Variants in PPL observed in about 807,000 individuals in gnomAD.
PPL encodes the protein periplakin.
A neutral mutation model predicts 194.4 loss-of-function variants in PPL; 198 were observed. The ratio of observed to expected loss-of-function variants is 1.02; its 90% CI spans 0.91 to 1.15. The LOEUF (loss-of-function observed/expected upper bound fraction) is 1.15. Ranked by LOEUF, PPL falls within the 50% of genes most tolerant of loss-of-function variation. The pLI is 0.00. For synonymous variants in PPL, 1,220 were observed against 972.4 expected (o/e 1.25, Z -4.74); for missense variants, 2,885 against 2,294.8 (o/e 1.26, Z -5.25).
chr16:4,889,066 AAGAC>A lies in PPL; in HGVS notation c.2314-9_2314-6del, dbSNP rs758382131. 90 of 1,613,002 alleles carry A rather than the reference AAGAC, an allele frequency of 5.6e-5. No individual in the cohort carries two copies. The highest frequency in any genetic ancestry group is 6.7e-5 in the Admixed American group (4 of 59,978). ...TGCTATCTCATCTAGCAGGTTCTGTAAGACAGAGTTTAAAAATCAAAACTAACCA... is the reference window on the plus strand; with the variant it reads ...TGCTATCTCATCTAGCAGGTTCTGTAAGAGTTTAAAAATCAAAACTAACCA... On this transcript the variant is annotated splice_region_variant and splice_polypyrimidine_tract_variant and intron_variant, in intron 18 of 21. Transcript: ENST00000345988.
At chr16:4,905,785 G>C (rs546650096) in intron 2 of PPL, among the ~76,000 whole-genome samples, 1 of 152,288 alleles carries the variant, frequency 6.6e-6, no homozygotes, top group South Asian at 2.1e-4. Flanking sequence ...CTCCCCAGGG[G>C]GTTGGAGATG....
chr16:4,918,321 A>G (rs1298212803), intron 1 of PPL, among the ~76,000 whole-genome samples: 2 of 149,362 alleles, frequency 1.3e-5, no homozygotes, highest in Admixed American at 1.3e-4. Context: ...AGTGCCATTT[A>G]GAAATGACAG....
chr16:4,893,573 C>T lies in PPL; in HGVS notation c.1460G>A (p.Arg487Gln), dbSNP rs763125042. 10 of 1,612,168 alleles carry T rather than the reference C, an allele frequency of 6.2e-6. No individual in the cohort carries two copies. Among genetic ancestry groups the T allele is most frequent in the Non-Finnish European group, 8.5e-6 (10 of 1,179,778 alleles). The change falls in exon 13 of 22, where the codon CGG (arginine) becomes CAG (glutamine). Residue 487 changes from arginine (R) to glutamine (Q), a missense_variant. Transcript: ENST00000345988. ...ATTCTCGGTCTTCAGCACCTCATAC[C>T]GCTGCTGCAGCGTGCGTTTGCTCCC... ...AAGSKRTLQQ[R>Q]YEVLKTENPG...
At chr16:4,920,437 C>T (rs1030209607) in intron 1 of PPL, among the ~76,000 whole-genome samples, 46 of 151,870 alleles carry the variant, frequency 3.0e-4, no homozygotes, top group Admixed American at 1.4e-3. Context: ...TTCAGAGCAG[C>T]GTCCCTGAAA....
rs149084017 is a variant in PPL, at chr16:4,884,402, C to T, written c.4253G>A (p.Arg1418His). 6.4e-4 allele frequency: 1,026 copies of T among 1,608,368 alleles called. 8 individuals are homozygous for T. The highest frequency in any genetic ancestry group is 7.8e-4 in the Admixed American group (46 of 58,698). The change falls in exon 22 of 22, where the codon CGC becomes CAC. Residue 1418 changes from arginine to histidine, a missense_variant. Coordinates refer to ENST00000345988, the MANE Select transcript of PPL (RefSeq NM_002705.5). This position sits in a 1 kb window ranked among gnomAD's most constrained non-coding sequence, Gnocchi z 5.7. Reference sequence around the variant, plus strand: ...CCGCTGCTGCAACCGCTGTACCTCGCGCTCGGCCTCCCTGCGGGCCTGCCG... The same window carrying T: ...CCGCTGCTGCAACCGCTGTACCTCGTGCTCGGCCTCCCTGCGGGCCTGCCG... ...RERQARREAE[R>H]EVQRLQQRLA...
rs796523499 is a variant in PPL, at chr16:4,897,568, G to T, written c.972+107C>A. The T allele has an allele frequency of 4.0e-5, 33 of 829,062 alleles. No individual in the cohort carries two copies. In the African/African-American group the frequency reaches 5.2e-4, roughly 13 times the overall value. 51.4% of individuals were successfully genotyped at this position (829,062 alleles called of 1,614,324 possible). A position where few individuals can be genotyped will look rare whatever the true frequency, so the allele number is the denominator to read the frequency against. On this transcript the variant is annotated intron_variant, in intron 9 of 21. Coordinates refer to ENST00000345988, the MANE Select transcript of PPL (RefSeq NM_002705.5). The stretch of plus-strand genomic sequence containing the variant: ...GGGCCTGGGATGGCTGCCCCGCAAG[G>T]CTCCTGGACCAAGGAGCACGAGGCC...
At position 4,901,390 on chromosome 16, in the gene PPL, G is replaced by C. The variant is rs377736556; in HGVS notation, c.439-301C>G. ...CAGTCACCTGCCCAGGGTCACGCCA[G>C]TAACATTGGGAAAGCTGGCCAGGCA... On this transcript the variant is annotated intron_variant, in intron 4 of 21. Coordinates refer to ENST00000345988, the MANE Select transcript of PPL (RefSeq NM_002705.5). Among the ~76,000 whole-genome samples, 30 of 152,320 alleles carry C rather than the reference G, an allele frequency of 2.0e-4. No homozygotes were observed. In the East Asian group the frequency reaches 5.4e-3, roughly 27 times the overall value.
chr16:4,888,748 C>A, intron 19 of PPL: 2 of 478,332 alleles, frequency 4.2e-6, no homozygotes, highest in East Asian at 3.0e-5. Context: ...AGGATAAATT[C>A]CCCCAAAGTG....
chr16:4,893,395 C>G (rs760328225), intron 13 of PPL, 25 bp from the exon 14 acceptor site: 1 of 1,601,362 alleles, frequency 6.2e-7, no homozygotes, highest in Non-Finnish European at 8.5e-7. Flanking sequence ...AGGACACAGG[C>G]AGGTGTGACA....
rs915313687 is a variant in PPL, at chr16:4,892,151, T to A, written c.1713A>T (p.Glu571Asp). The change falls in exon 15 of 22, where the codon GAA becomes GAT. Residue 571 changes from glutamate to aspartate, a missense_variant. Transcript: ENST00000345988. ...PEKTRSTAEGEAFIQALPGSG... is the reference protein window; with the variant it reads ...PEKTRSTAEGDAFIQALPGSG... ...TGCCTGGGAGGGCCTGGATGAAGGC[T>A]TCGCCCTCAGCCGTGCTCCGCGTCT... is the stretch of plus-strand genomic sequence containing the variant. 6.2e-7 allele frequency: 1 copy of A among 1,613,682 alleles called. No homozygotes were observed. The highest frequency in any genetic ancestry group is 8.5e-7 in the Non-Finnish European group (1 of 1,180,026).
intron 1 of PPL, among the ~76,000 whole-genome samples, chr16:4,926,691 T>C (rs1037427341): frequency 3.9e-5 from 6 of 151,950 alleles, no homozygotes. Flanking sequence ...CTGGCTAACA[T>C]GGTGAAACCC....
intron 1 of PPL, among the ~76,000 whole-genome samples, chr16:4,929,560 G>A (rs1412770487): frequency 1.3e-5 from 2 of 152,156 alleles, no homozygotes; most frequent in Non-Finnish European, 2.9e-5. Flanking sequence ...TTTGGTTGAT[G>A]TTTTCACAGT....
At chr16:4,896,973 G>C (rs2088442493) in intron 9 of PPL, among the ~76,000 whole-genome samples, 1 of 152,102 alleles carries the variant, frequency 6.6e-6, no homozygotes, top group South Asian at 2.1e-4. Flanking sequence ...GGAAAGTTTT[G>C]CAAGTAGATG....
chr16:4,922,361 C>A (rs934129858), intron 1 of PPL, among the ~76,000 whole-genome samples: 1 of 152,106 alleles, frequency 6.6e-6, no homozygotes, highest in Non-Finnish European at 1.5e-5. Flanking sequence ...TTTTAAGGAG[C>A]TGATAAAAGC....
chr16:4,890,288 G>T lies in PPL; in HGVS notation c.2209C>A (p.Arg737Ser). The change falls in exon 18 of 22, where the codon CGC becomes AGC. Residue 737 changes from arginine (R) to serine (S), a missense_variant. Transcript: ENST00000345988. ...AACTGCAGCACGTGGTCATGGCCGCGGTGGAAGTGCTCGTAGGCTGCCTTG... is the reference window on the plus strand; with the variant it reads ...AACTGCAGCACGTGGTCATGGCCGCTGTGGAAGTGCTCGTAGGCTGCCTTG... ...SAKAAYEHFHRGHDHVLQFLV... is the reference protein window; with the variant it reads ...SAKAAYEHFHSGHDHVLQFLV... 6.2e-7 allele frequency: 1 copy of T among 1,614,130 alleles called. No individual in the cohort carries two copies. The highest frequency in any genetic ancestry group is 8.5e-7 in the Non-Finnish European group (1 of 1,180,026).
chr16:4,922,594 G>A (rs142118098), intron 1 of PPL, among the ~76,000 whole-genome samples: 3 of 152,122 alleles, frequency 2.0e-5, no homozygotes, highest in Non-Finnish European at 2.9e-5. Context: ...CCTGGGAGGC[G>A]GAGGTTGTAG....
At chr16:4,900,326 G>A (rs868175910) in intron 6 of PPL, among the ~76,000 whole-genome samples, 2 of 151,798 alleles carry the variant, frequency 1.3e-5, no homozygotes, top group African/African-American at 2.4e-5. Flanking sequence ...GGGCCTGTTA[G>A]GGTTTTCCCT....
rs199711631 is a variant in PPL at position 4,884,152 on chromosome 16, G to C, written c.4503C>G (p.Leu1501=). The C allele has an allele frequency of 3.7e-6, 6 of 1,613,804 alleles. No homozygotes were observed. The East Asian group carries it at 1.1e-4, about 30-fold the overall frequency. Residue 1501 remains leucine (L), a synonymous_variant, in exon 22 of 22, where the codon CTC becomes CTG. Coordinates refer to ENST00000345988, the MANE Select transcript of PPL (RefSeq NM_002705.5). The surrounding 1 kb of genome is among the most constrained non-coding windows in gnomAD (Gnocchi z 5.7). ...CCTTCTCCACCTGGACACTCTCGGA[G>C]AGCACCACCTTCTCCTTGACCTCCG... is the stretch of plus-strand genomic sequence containing the variant. ...EKAEVKEKVV[L]SESVQVEKGD... is the part of the protein sequence containing the mutation.
At chr16:4,927,268 C>A (rs1030138613) in intron 1 of PPL, among the ~76,000 whole-genome samples, 1 of 152,132 alleles carries the variant, frequency 6.6e-6, no homozygotes, top group Non-Finnish European at 1.5e-5. Context: ...ACATACCAGG[C>A]AACTGATACT....
Sources: allele counts gnomAD v4.1 joint callset (sites outside exome capture counted in the v4.1 genomes callset), GRCh38; gene constraint gnomAD v4.1.1; non-coding constraint Gnocchi (gnomAD v3.1); transcripts MANE v1.5; gene names NCBI Gene and HGNC (gene_info 2026-07-23, HGNC 2026-07-21).